Variants in FAM151B observed in about 807,000 individuals in gnomAD.
The protein encoded by FAM151B is protein FAM151B.
FAM151B carries 24 observed loss-of-function variants against 31.2 expected under a neutral mutation model. The ratio of observed to expected loss-of-function variants is 0.77; its 90% CI spans 0.56 to 1.08. The LOEUF (loss-of-function observed/expected upper bound fraction) is 1.08, where lower values mean the gene tolerates loss of function less well. Among genes scored for constraint, FAM151B ranks in the 50% least tolerant of loss-of-function variants. FAM151B has a pLI of 0.00. For missense variants in FAM151B, 293 were observed against 328.6 expected, an observed-to-expected ratio of 0.89 and a Z score of 0.84; for synonymous variants, 105 against 111.4, an observed-to-expected ratio of 0.94 and a Z score of 0.36.
chr5:80,530,962 C>T (rs937544059), intron 5 of FAM151B, among the ~76,000 whole-genome samples: 3 of 152,164 alleles, frequency 2.0e-5, no homozygotes, highest in African/African-American at 4.8e-5. Flanking sequence ...AAGCTGGAGG[C>T]ATCATGCTAC....
intron 5 of FAM151B, among the ~76,000 whole-genome samples, chr5:80,526,843 A>G (rs749801345): frequency 1.9e-4 from 29 of 152,100 alleles, no homozygotes; most frequent in Non-Finnish European, 3.4e-4. Flanking sequence ...CCACACCAAA[A>G]GATGAGGGGT....
chr5:80,500,431 AAAG>A (rs1743700662), intron 1 of FAM151B: 3 of 1,134,084 alleles, frequency 2.6e-6, no homozygotes, highest in African/African-American at 1.5e-5. Context: ...AGTGCCTGAG[AAAG>A]AAGTTTACCC....
intron 2 of FAM151B, among the ~76,000 whole-genome samples, chr5:80,507,753 A>G (rs977745934): frequency 2.0e-5 from 3 of 152,144 alleles, no homozygotes; most frequent in East Asian, 1.9e-4. Flanking sequence ...AACTACTTCA[A>G]TAACCTGAAG....
intron 5 of FAM151B, among the ~76,000 whole-genome samples, chr5:80,524,571 A>G (rs1472618778): frequency 1.3e-5 from 2 of 152,164 alleles, no homozygotes; most frequent in African/African-American, 4.8e-5. Flanking sequence ...TCCATAGAAA[A>G]AAACTACAGA....
intron 3 of FAM151B, among the ~76,000 whole-genome samples, chr5:80,514,829 A>G (rs1744346693): frequency 6.6e-6 from 1 of 152,176 alleles, no homozygotes. Context: ...TTATGGGGCA[A>G]AATATACCAG....
intron 1 of FAM151B, chr5:80,498,640 G>C: frequency 1.4e-6 from 1 of 727,184 alleles, no homozygotes; most frequent in Non-Finnish European, 2.5e-6. Flanking sequence ...TGGCACTCTC[G>C]ACAAAGGTGT....
intron 3 of FAM151B, among the ~76,000 whole-genome samples, chr5:80,518,010 T>TA (rs2095161099): frequency 6.7e-6 from 1 of 149,338 alleles, no homozygotes; most frequent in Non-Finnish European, 1.5e-5. Context: ...ATGCAGAGGT[T>TA]ACGGTGAGCA....
At chr5:80,538,529 C>CTT (rs1561384060) in intron 5 of FAM151B, among the ~76,000 whole-genome samples, 12 of 94,066 alleles carry the variant, frequency 1.3e-4, no homozygotes, top group African/African-American at 6.9e-4. Flanking sequence ...TCCTTCCTTC[C>CTT]TTCCTTCCTT....
chr5:80,490,319 C>T (rs1475500090), intron 1 of FAM151B, among the ~76,000 whole-genome samples: 1 of 151,906 alleles, frequency 6.6e-6, no homozygotes, highest in East Asian at 1.9e-4. Context: ...TCGCTTAAGC[C>T]GGAGAGGCTG....
At chr5:80,510,708 A>T (rs1226815675) in intron 2 of FAM151B, 1 of 152,208 alleles carries the variant, frequency 6.6e-6, no homozygotes, top group Non-Finnish European at 1.5e-5. Flanking sequence ...TGTCTTTTTC[A>T]TTCAGCCTGA....
At position 80,492,826 on chromosome 5, in the gene FAM151B, C is replaced by T. The variant is rs114974439; in HGVS notation, c.25+4678C>T. 9.2e-3 allele frequency among the ~76,000 whole-genome samples: 1,400 copies of T among 152,136 alleles called. 28 individuals carry two copies. The highest frequency in any genetic ancestry group is 0.032 in the African/African-American group (1,331 of 41,522). ...AAAATTAGCTGGCTGTGGTGGGATG[C>T]ACCTGTAGTCCTAGCTACTTGGGAT... On this transcript the variant is annotated intron_variant, in intron 1 of 5. Coordinates refer to ENST00000282226, the MANE Select transcript of FAM151B (RefSeq NM_205548.3).
rs947082822 is a variant in FAM151B at position 80,526,003 on chromosome 5, G to A, written c.671+3865G>A. On this transcript the variant is annotated intron_variant, in intron 5 of 5. Transcript: ENST00000282226. The stretch of plus-strand genomic sequence containing the variant: ...AAAATGCATATACATATATATGAAG[G>A]CTATAGATTTCTGTATACAGTCATC... Among the ~76,000 whole-genome samples, 6 of 151,700 alleles carry A rather than the reference G, an allele frequency of 4.0e-5. No homozygotes were observed. The East Asian group carries it at 1.2e-3, about 29-fold the overall frequency.
At chr5:80,538,970 C>CT (rs928482931) in intron 5 of FAM151B, among the ~76,000 whole-genome samples, 32 of 137,978 alleles carry the variant, frequency 2.3e-4, no homozygotes, top group African/African-American at 6.7e-4. Context: ...CTTTTCTTTG[C>CT]TTTTTTTTTC....
At chr5:80,530,271 CCAA>C (rs1745173400) in intron 5 of FAM151B, among the ~76,000 whole-genome samples, 1 of 152,024 alleles carries the variant, frequency 6.6e-6, no homozygotes, top group Non-Finnish European at 1.5e-5. Context: ...AAACCCACAG[CCAA>C]TATCATACTG....
intron 1 of FAM151B, chr5:80,501,540 G>T (rs955946393): frequency 3.6e-5 from 13 of 358,982 alleles, no homozygotes; most frequent in Non-Finnish European, 6.0e-5. Flanking sequence ...TAATAAAATT[G>T]TACTGTATAT....
intron 2 of FAM151B, among the ~76,000 whole-genome samples, chr5:80,511,250 T>G (rs777054588): frequency 4.6e-5 from 7 of 151,836 alleles, no homozygotes; most frequent in Non-Finnish European, 8.8e-5. Context: ...GGTGAGAGAA[T>G]CATTTGAGTC....
intron 1 of FAM151B, chr5:80,500,865 T>A (rs1743714406): frequency 1.4e-5 from 13 of 930,692 alleles, no homozygotes; most frequent in Middle Eastern, 2.5e-4. Flanking sequence ...TTCCATCTCT[T>A]GGTAAATATG....
chr5:80,526,453 CAAAAAAA>C (rs35345817), intron 5 of FAM151B, among the ~76,000 whole-genome samples: 6 of 127,038 alleles, frequency 4.7e-5, no homozygotes, highest in African/African-American at 1.5e-4. Context: ...TACTAAAGTC[CAAAAAAA>C]AAAAAAAAAA....
At chr5:80,519,089 T>C (rs956329961) in intron 3 of FAM151B, among the ~76,000 whole-genome samples, 1 of 152,310 alleles carries the variant, frequency 6.6e-6, no homozygotes, top group East Asian at 1.9e-4. Flanking sequence ...GTATTTCTAA[T>C]TTTCAGAAAA....
Sources: allele counts gnomAD v4.1 joint callset (sites outside exome capture counted in the v4.1 genomes callset), GRCh38; gene constraint gnomAD v4.1.1; transcripts MANE v1.5; gene names NCBI Gene and HGNC (gene_info 2026-07-23, HGNC 2026-07-21).